RALYL: variants seen among roughly 807,000 people sequenced by gnomAD.
RALYL encodes RNA-binding Raly-like protein.
A neutral mutation model predicts 35.1 loss-of-function variants in RALYL; 29 were observed. That is an observed-to-expected ratio of 0.83 (90% CI 0.61 to 1.13). The LOEUF (loss-of-function observed/expected upper bound fraction) is 1.13. Ranked by LOEUF, RALYL falls within the 50% of genes most tolerant of loss-of-function variation. The pLI is 0.00. For missense variants in RALYL, 359 were observed against 360.4 expected (o/e 1.00, Z 0.03); for synonymous variants, 120 against 127.6 (o/e 0.94, Z 0.40).
intron 1 of RALYL, among the ~76,000 whole-genome samples, chr8:84,424,694 G>T (rs980202245): frequency 2.0e-5 from 3 of 151,826 alleles, no homozygotes; most frequent in Admixed American, 6.6e-5. Flanking sequence ...TCTACTTTTG[G>T]TCTTTGATGA....
At chr8:84,389,946 T>G (rs9802133) in intron 1 of RALYL, among the ~76,000 whole-genome samples, 8,678 of 151,338 alleles carry the variant, frequency 0.057, 290 homozygotes, top group African/African-American at 0.09. Context: ...ATGCTTCCAG[T>G]TTTTGCCCAT....
At chr8:84,569,921 T>C (rs979446998) in intron 2 of RALYL, among the ~76,000 whole-genome samples, 2 of 151,888 alleles carry the variant, frequency 1.3e-5, no homozygotes, top group African/African-American at 4.8e-5. Flanking sequence ...ATTTCTGGGT[T>C]CTATTTCCTT....
intron 1 of RALYL, among the ~76,000 whole-genome samples, chr8:84,514,694 A>G (rs1030655484): frequency 1.3e-5 from 2 of 152,160 alleles, no homozygotes; most frequent in Admixed American, 1.3e-4. Context: ...CAACATACAA[A>G]TTTTGAAGAG....
At chr8:84,248,792 A>G (rs1171200442) in intron 1 of RALYL, among the ~76,000 whole-genome samples, 1 of 152,130 alleles carries the variant, frequency 6.6e-6, no homozygotes, top group Non-Finnish European at 1.5e-5. Flanking sequence ...GAAAGCATAT[A>G]AGTAGCAGCA....
chr8:84,731,326 C>T (rs538256422), intron 2 of RALYL, among the ~76,000 whole-genome samples: 1 of 152,170 alleles, frequency 6.6e-6, no homozygotes, highest in African/African-American at 2.4e-5. Context: ...GATGGTTAAC[C>T]CTCTTTTGAG....
intron 1 of RALYL, among the ~76,000 whole-genome samples, chr8:84,444,391 A>G (rs1222163850): frequency 2.6e-5 from 4 of 152,098 alleles, no homozygotes; most frequent in African/African-American, 9.7e-5. Context: ...CACCCAAAAC[A>G]AGAACATCAA....
intron 1 of RALYL, among the ~76,000 whole-genome samples, chr8:84,343,039 C>T (rs1318199486): frequency 6.6e-6 from 1 of 152,032 alleles, no homozygotes; most frequent in Non-Finnish European, 1.5e-5. Flanking sequence ...ACTCTTCATT[C>T]AAAGTGGATC....
intron 2 of RALYL, among the ~76,000 whole-genome samples, chr8:84,567,557 T>C (rs2061869790): frequency 6.6e-6 from 1 of 151,884 alleles, no homozygotes; most frequent in African/African-American, 2.4e-5. Context: ...CTACATAGTA[T>C]TCCTTGGTGT....
At chr8:84,393,672 C>G (rs984708440) in intron 1 of RALYL, among the ~76,000 whole-genome samples, 5 of 152,060 alleles carry the variant, frequency 3.3e-5, no homozygotes, top group African/African-American at 1.2e-4. Flanking sequence ...TTAATCTTTT[C>G]TGCTACACAG....
At chr8:84,848,514 T>A (rs940083857) in intron 4 of RALYL, among the ~76,000 whole-genome samples, 3 of 151,930 alleles carry the variant, frequency 2.0e-5, no homozygotes, top group African/African-American at 7.2e-5. Flanking sequence ...TTCTGATACA[T>A]ACTACATGGA....
intron 1 of RALYL, among the ~76,000 whole-genome samples, chr8:84,368,920 A>G (rs1855110563): frequency 6.6e-6 from 1 of 152,158 alleles, no homozygotes; most frequent in African/African-American, 2.4e-5. Flanking sequence ...ATAATTCCCC[A>G]TCAACTTCAT....
chr8:84,780,952 A>C (rs2133705060), intron 3 of RALYL, among the ~76,000 whole-genome samples: 1 of 152,256 alleles, frequency 6.6e-6, no homozygotes, highest in African/African-American at 2.4e-5. Context: ...TCCGCCTCCC[A>C]GGTTCGAGTG....
At chr8:84,461,805 A>G (rs764980209) in intron 1 of RALYL, among the ~76,000 whole-genome samples, 1 of 151,732 alleles carries the variant, frequency 6.6e-6, no homozygotes, top group African/African-American at 2.4e-5. Context: ...AAGATTACAT[A>G]TAAGTCTTCA....
chr8:84,706,099 G>A (rs1327130900), intron 2 of RALYL: 2 of 1,524,174 alleles, frequency 1.3e-6, no homozygotes, highest in African/African-American at 1.4e-5. Flanking sequence ...TATCACTGGG[G>A]TAGGGAAAAC....
intron 4 of RALYL, among the ~76,000 whole-genome samples, chr8:84,811,300 T>G (rs1825851633): frequency 6.6e-6 from 1 of 152,314 alleles, no homozygotes; most frequent in African/African-American, 2.4e-5. Flanking sequence ...TACAAAATTC[T>G]TGAATGATAA....
chr8:84,763,140 T>A (rs75341250), intron 2 of RALYL, among the ~76,000 whole-genome samples: 4,858 of 152,176 alleles, frequency 0.032, 261 homozygotes, highest in African/African-American at 0.11. Flanking sequence ...CTCGGTTTTT[T>A]AAATGTGGAA....
At chr8:84,576,257 A>G (rs1161866747) in intron 2 of RALYL, among the ~76,000 whole-genome samples, 3 of 152,224 alleles carry the variant, frequency 2.0e-5, no homozygotes, top group Admixed American at 2.0e-4. Context: ...TCTTTATCCT[A>G]TGAATATAAA....
At chr8:84,537,175 A>T (rs1240821299) in intron 2 of RALYL, among the ~76,000 whole-genome samples, 1 of 134,872 alleles carries the variant, frequency 7.4e-6, no homozygotes, top group Non-Finnish European at 1.6e-5. Context: ...AAAAAAAAAA[A>T]ACTCTATTCA....
intron 1 of RALYL, among the ~76,000 whole-genome samples, chr8:84,233,793 CCT>C (rs1191396466): frequency 6.6e-6 from 1 of 152,062 alleles, no homozygotes; most frequent in Admixed American, 6.6e-5. Context: ...GTCTTGTTTC[CCT>C]CTGTCTTTTT....
Sources: allele counts gnomAD v4.1 joint callset (sites outside exome capture counted in the v4.1 genomes callset), GRCh38; gene constraint gnomAD v4.1.1; transcripts MANE v1.5; gene names NCBI Gene and HGNC (gene_info 2026-07-23, HGNC 2026-07-21).